The following SCP2 variants were observed in gnomAD, a reference collection of about 807,000 sequenced individuals.
SCP2 encodes the protein SCP-2/3-oxoacyl-CoA thiolase.
Under a neutral mutation model 71.4 loss-of-function variants are expected in SCP2, and 48 were observed. That is an observed-to-expected ratio of 0.67 (90% CI 0.53 to 0.86). The LOEUF (loss-of-function observed/expected upper bound fraction) is 0.86. Ranked by LOEUF, SCP2 falls within the 40% of genes least tolerant of loss-of-function variation. The probability of loss-of-function intolerance (pLI) is 0.00; values close to 1 mark genes in which losing one functional copy is unlikely to be tolerated. For missense variants in SCP2, 560 were observed against 655.6 expected, an observed-to-expected ratio of 0.85 and a Z score of 1.59; for synonymous variants, 220 against 218.1, an observed-to-expected ratio of 1.01 and a Z score of -0.08.
In SCP2 at chr1:53,007,151, A is replaced by T. The variant is rs569619915; in HGVS notation, c.1082-7739A>T. ...TAAAGCAAGTCCTTAGAGACCTACA[A>T]AGAGAATTAGACTCCCACACAATAA... is the stretch of plus-strand genomic sequence containing the variant. On this transcript the variant is annotated intron_variant, in intron 11 of 15. Transcript: ENST00000371514. Among the ~76,000 whole-genome samples the T allele has an allele frequency of 3.3e-5, 5 of 152,288 alleles. No homozygotes were observed. In the East Asian group the frequency reaches 5.8e-4, roughly 18 times the overall value.
At chr1:53,037,844 C>A (rs1663067932) in intron 13 of SCP2, among the ~76,000 whole-genome samples, 1 of 143,698 alleles carries the variant, frequency 7.0e-6, no homozygotes. Context: ...AGTTTGAGAC[C>A]AGCCTGGGCA....
chr1:53,032,309 C>G (rs1368714268), intron 13 of SCP2, among the ~76,000 whole-genome samples: 2 of 152,162 alleles, frequency 1.3e-5, no homozygotes, highest in East Asian at 1.9e-4. Flanking sequence ...GTCCCTGCCT[C>G]TCAGGGAACA....
At chr1:53,005,811 G>A (rs1660599556) in intron 11 of SCP2, among the ~76,000 whole-genome samples, 1 of 151,840 alleles carries the variant, frequency 6.6e-6, no homozygotes, top group African/African-American at 2.4e-5. Flanking sequence ...TCAGATGATC[G>A]GTAATAACAA....
intron 13 of SCP2, among the ~76,000 whole-genome samples, chr1:53,034,218 A>G (rs1572217105): frequency 6.6e-6 from 1 of 152,070 alleles, no homozygotes; most frequent in East Asian, 1.9e-4. Flanking sequence ...AGGAGGTTGC[A>G]GTGAGTTGAA....
At chr1:52,978,397 A>G (rs1557580555) in intron 9 of SCP2, 30 bp downstream of exon 9, 2 of 1,563,446 alleles carry the variant, frequency 1.3e-6, no homozygotes, top group Non-Finnish European at 1.8e-6. Flanking sequence ...TGTTATTTTT[A>G]TTTTTAAGAT....
At chr1:52,957,898 A>G (rs1045494508) in intron 5 of SCP2, among the ~76,000 whole-genome samples, 1 of 150,378 alleles carries the variant, frequency 6.6e-6, no homozygotes, top group African/African-American at 2.5e-5. Context: ...TGAAAAGATT[A>G]TCTTTTTTCC....
chr1:53,024,502 T>C (rs1661971838), intron 12 of SCP2, among the ~76,000 whole-genome samples: 1 of 152,094 alleles, frequency 6.6e-6, no homozygotes, highest in African/African-American at 2.4e-5. Context: ...AAATAAAATA[T>C]TTTTTAAAAG....
chr1:53,008,879 C>A (rs1473474749), intron 11 of SCP2, among the ~76,000 whole-genome samples: 1 of 152,090 alleles, frequency 6.6e-6, no homozygotes, highest in African/African-American at 2.4e-5. Flanking sequence ...ATTTAGCAAA[C>A]CCCATCGTCT....
chr1:53,048,025 A>T (rs1311042677), intron 15 of SCP2, 88 bp downstream of exon 15: 2 of 928,394 alleles, frequency 2.2e-6, no homozygotes, highest in Non-Finnish European at 3.6e-6. Context: ...TAAAGTGCAA[A>T]GTGGTCAGAC....
chr1:52,960,633 T>A (rs1043492719), intron 5 of SCP2, among the ~76,000 whole-genome samples: 6 of 143,146 alleles, frequency 4.2e-5, no homozygotes, highest in African/African-American at 1.6e-4. Flanking sequence ...TATGTATATA[T>A]GTGTATATAT....
At chr1:53,036,070 T>C (rs925013609) in intron 13 of SCP2, among the ~76,000 whole-genome samples, 3 of 149,242 alleles carry the variant, frequency 2.0e-5, no homozygotes, top group Non-Finnish European at 4.4e-5. Flanking sequence ...GTAACTTGGC[T>C]AACTTGTTGA....
chr1:52,987,991 A>G (rs777332397), intron 10 of SCP2, 38 bp from the exon 11 acceptor site: 3 of 1,003,400 alleles, frequency 3.0e-6, no homozygotes, highest in South Asian at 2.6e-5. Context: ...TTCTATTGTT[A>G]CTATTAATAT....
At chr1:52,961,389 A>G in intron 5 of SCP2, 114 bp from the exon 6 acceptor site, 1 of 1,094,038 alleles carries the variant, frequency 9.1e-7, no homozygotes, top group Admixed American at 1.9e-5. Flanking sequence ...CACATTGACA[A>G]TTTCTGGTGT....
At chr1:52,982,557 G>C (rs559286501) in intron 10 of SCP2, among the ~76,000 whole-genome samples, 7 of 152,116 alleles carry the variant, frequency 4.6e-5, no homozygotes, top group East Asian at 1.9e-4. Context: ...GTGACAGAGC[G>C]AGACTCCATC....
rs117592280 is a variant in SCP2 at position 53,024,208 on chromosome 1, A to G, written c.1236-3761A>G. Reference sequence around the variant, plus strand: ...TGTCAGTCACAAAAAGACAAATACTATATGATTCCACTTAGAATCATAGTA... The same window carrying G: ...TGTCAGTCACAAAAAGACAAATACTGTATGATTCCACTTAGAATCATAGTA... On this transcript the variant is annotated intron_variant, in intron 12 of 15. Transcript: ENST00000371514. 4.4e-4 allele frequency among the ~76,000 whole-genome samples: 67 copies of G among 152,292 alleles called. No homozygotes were observed. The East Asian group carries it at 0.011, about 26-fold the overall frequency.
intron 13 of SCP2, among the ~76,000 whole-genome samples, chr1:53,032,943 A>G (rs1662661767): frequency 6.6e-6 from 1 of 152,202 alleles, no homozygotes; most frequent in South Asian, 2.1e-4. Flanking sequence ...GGCCCTCAAA[A>G]TATTAGTATT....
In SCP2 at chr1:53,045,109, G is replaced by T. The variant is rs138179943; in HGVS notation, c.1469-2749G>T. Among the ~76,000 whole-genome samples, 601 of 152,174 alleles carry T rather than the reference G, an allele frequency of 3.9e-3. 9 individuals carry two copies. Among genetic ancestry groups the T allele is most frequent in the Admixed American group, 0.031 (470 of 15,296 alleles). On this transcript the variant is annotated intron_variant, in intron 14 of 15. Transcript: ENST00000371514. Reference sequence around the variant, plus strand: ...TGAAGTCTAGCCTGTAGTAAAGGGCGTAATTCCAGAGTGTACCACGTGATG... The same window carrying T: ...TGAAGTCTAGCCTGTAGTAAAGGGCTTAATTCCAGAGTGTACCACGTGATG...
At chr1:52,947,858 G>A (rs1654941269) in intron 2 of SCP2, 151 bp from the exon 3 acceptor site, 1 of 662,352 alleles carries the variant, frequency 1.5e-6, no homozygotes, top group Non-Finnish European at 2.7e-6. Flanking sequence ...TGAAAGTAGA[G>A]ATGTGACATG....
chr1:53,041,231 G>T (rs1663407389), intron 14 of SCP2, among the ~76,000 whole-genome samples: 2 of 151,984 alleles, frequency 1.3e-5, no homozygotes, highest in African/African-American at 4.8e-5. Flanking sequence ...GTGAAACCCT[G>T]TCTCTACTAA....
Sources: gnomAD v4.1 joint callset for allele counts (sites outside exome capture counted in the v4.1 genomes callset) on GRCh38, gnomAD v4.1.1 for gene constraint, MANE v1.5 for transcripts, NCBI Gene and HGNC (gene_info 2026-07-23, HGNC 2026-07-21) for gene names.